The following MYO18B variants were observed in gnomAD, a reference collection of about 807,000 sequenced individuals.
MYO18B encodes unconventional myosin-XVIIIb.
MYO18B carries 204 observed loss-of-function variants against 273.0 expected under a neutral mutation model. That is an observed-to-expected ratio of 0.75 (90% CI 0.67 to 0.84). The LOEUF (loss-of-function observed/expected upper bound fraction) is 0.84. MYO18B is among the 40% of genes least tolerant of loss of function. MYO18B has a pLI of 0.00. For synonymous variants in MYO18B, 1,330 were observed against 1,305.7 expected, an observed-to-expected ratio of 1.02 and a Z score of -0.40; for missense variants, 3,212 against 3,287.6, an observed-to-expected ratio of 0.98 and a Z score of 0.56.
intron 34 of MYO18B, among the ~76,000 whole-genome samples, chr22:25,928,585 C>A (rs151331053): frequency 9.9e-4 from 150 of 152,034 alleles, no homozygotes; most frequent in African/African-American, 3.4e-3. Context: ...TCATTTGGTT[C>A]TTTTCTCCCA....
At chr22:26,060,182 T>G in the MYO18B span, among the ~76,000 whole-genome samples, 1 of 152,220 alleles carries the variant, frequency 6.6e-6, no homozygotes, top group East Asian at 1.9e-4. Flanking sequence ...CTCCTTGTTT[T>G]TATATAGTTT....
In MYO18B at chr22:25,768,938, T is replaced by C. The variant is rs1337181432; in HGVS notation, c.1022T>C (p.Leu341Pro). ...PQNKKDKEGV[L>P]LSKAEKTGEP... ...AATAAGAAGGACAAAGAAGGGGTGC[T>C]CTTAAGTAAGGCAGAGAAGACAGGT... The change falls in exon 4 of 44, where the codon CTC (leucine) becomes CCC (proline). Residue 341 changes from leucine to proline, a missense_variant. Transcript: ENST00000335473. 12 of 1,612,150 alleles carry C rather than the reference T, an allele frequency of 7.4e-6. No individual in the cohort carries two copies. The highest frequency in any genetic ancestry group is 4.5e-5 in the East Asian group (2 of 44,838).
intron 15 of MYO18B, among the ~76,000 whole-genome samples, chr22:25,829,399 A>G (rs946877064): frequency 3.3e-5 from 5 of 152,136 alleles, no homozygotes; most frequent in African/African-American, 1.2e-4. Flanking sequence ...TGAGTCTCAC[A>G]AAGTTGAAGG....
rs9613078 is a variant in MYO18B at position 26,005,001 on chromosome 22, C to T, written c.6470+146C>T. On this transcript the variant is annotated intron_variant, in intron 42 of 43. Coordinates refer to ENST00000335473, the MANE Select transcript of MYO18B (RefSeq NM_032608.7). ...AGTCTGGGGTATAACTCTGCCACTT[C>T]CTAGCTGTGTGACTTTAGGCAGATC... The T allele has an allele frequency of 0.26, 248,575 of 952,742 alleles. 37,037 individuals carry two copies. Among genetic ancestry groups the T allele is most frequent in the Middle Eastern group, 0.31 (935 of 3,018 alleles). 59.0% of individuals were successfully genotyped at this position (952,742 alleles called of 1,614,324 possible). A position where few individuals can be genotyped will look rare whatever the true frequency, so the allele number is the denominator to read the frequency against.
rs776035865 is a variant in MYO18B, at chr22:25,952,405, G to C, written c.5952G>C (p.Val1984=). Residue 1984 remains valine (V), a synonymous_variant, in exon 38 of 44, where the codon GTG becomes GTC. Coordinates refer to ENST00000335473, the MANE Select transcript of MYO18B (RefSeq NM_032608.7). ...DLENKTEFQK[V]QIKRFEVLVI... ...AGAACAAGACAGAGTTCCAGAAGGT[G>C]CAGATTAAGAGATTTGAGGTACGTA... The C allele has an allele frequency of 1.9e-5, 31 of 1,613,096 alleles. No homozygotes were observed. Among genetic ancestry groups the C allele is most frequent in the South Asian group, 1.9e-4 (17 of 90,650 alleles).
chr22:25,888,304 C>T (rs1394099365), intron 25 of MYO18B, among the ~76,000 whole-genome samples: 1 of 152,150 alleles, frequency 6.6e-6, no homozygotes, highest in Admixed American at 6.5e-5. Context: ...CACTCTGTCA[C>T]TCAGGCTGGA....
intron 1 of MYO18B, among the ~76,000 whole-genome samples, chr22:25,743,759 T>C (rs532622648): frequency 3.3e-4 from 50 of 152,208 alleles, no homozygotes; most frequent in African/African-American, 1.1e-3. Context: ...CTTGGATGAG[T>C]ACTCTCCCCA....
chr22:25,846,942 G>A lies in MYO18B; in HGVS notation c.3553-488G>A, dbSNP rs551150683. ...TAAAAATACAAAAAATTGGCTGGGCGTGGTGATGCATGTCTGTAGTCCCGC... is the reference window on the plus strand; with the variant it reads ...TAAAAATACAAAAAATTGGCTGGGCATGGTGATGCATGTCTGTAGTCCCGC... On this transcript the variant is annotated intron_variant, in intron 19 of 43. Coordinates refer to ENST00000335473, the MANE Select transcript of MYO18B (RefSeq NM_032608.7). Among the ~76,000 whole-genome samples the A allele has an allele frequency of 1.5e-3, 235 of 152,156 alleles. 1 individual carries two copies. Among genetic ancestry groups the A allele is most frequent in the Non-Finnish European group, 2.0e-3 (133 of 68,006 alleles).
chr22:25,846,410 C>G lies in MYO18B; in HGVS notation c.3552+127C>G, dbSNP rs183077863. 353 of 1,028,330 alleles carry G rather than the reference C, an allele frequency of 3.4e-4. No individual in the cohort carries two copies. The African/African-American group carries it at 5.3e-3, about 16-fold the overall frequency. The allele number at this position is 1,028,330 out of a possible 1,614,324, so 63.7% of individuals were successfully genotyped here. A position where few individuals can be genotyped will look rare whatever the true frequency, so the allele number is the denominator to read the frequency against. On this transcript the variant is annotated intron_variant, in intron 19 of 43. Transcript: ENST00000335473. ...CAAGGCCAGAGGGGCGAGTGTCACC[C>G]CACGCTCCACAGAGGAGGAAATGGG...
At chr22:25,907,386 A>ACCCAGCTCAT (rs1360469543) in intron 31 of MYO18B, among the ~76,000 whole-genome samples, 2 of 152,220 alleles carry the variant, frequency 1.3e-5, no homozygotes, top group Non-Finnish European at 2.9e-5. Context: ...CATTCATGGG[A>ACCCAGCTCAT]TCACAGCTCT....
rs143338795 is a variant in MYO18B, at chr22:25,946,858, C to A, written c.5631+608C>A. On this transcript the variant is annotated intron_variant, in intron 35 of 43. Coordinates refer to ENST00000335473, the MANE Select transcript of MYO18B (RefSeq NM_032608.7). ...GCTTATTACCAGGAGAAGATTTGAGCCATTTATTATGGAACTACCCTGTGC... is the reference window on the plus strand; with the variant it reads ...GCTTATTACCAGGAGAAGATTTGAGACATTTATTATGGAACTACCCTGTGC... Among the ~76,000 whole-genome samples, 681 of 152,200 alleles carry A rather than the reference C, an allele frequency of 4.5e-3. 10 individuals carry two copies. Among genetic ancestry groups the A allele is most frequent in the African/African-American group, 0.016 (656 of 41,520 alleles).
chr22:25,997,319 A>C lies in MYO18B; in HGVS notation c.6287+4826A>C, dbSNP rs1394208273. 2.7e-5 allele frequency among the ~76,000 whole-genome samples: 4 copies of C among 150,488 alleles called. No homozygotes were observed. In the East Asian group the frequency reaches 5.8e-4, roughly 22 times the overall value. ...AACTCTGTCGCCAAAAAAAAAAAAA[A>C]AAAAAAAAAAACGAAGGAAAAAAGA... On this transcript the variant is annotated intron_variant, in intron 40 of 43. Transcript: ENST00000335473.
chr22:25,982,607 C>G (rs1204678699), intron 39 of MYO18B, among the ~76,000 whole-genome samples: 1 of 152,138 alleles, frequency 6.6e-6, no homozygotes, highest in Non-Finnish European at 1.5e-5. Context: ...CTAGTGTCTG[C>G]CAGCATTTCT....
chr22:25,761,275 C>G, intron 2 of MYO18B, 144 bp downstream of exon 2: 1 of 940,134 alleles, frequency 1.1e-6, no homozygotes, highest in Middle Eastern at 2.6e-4. Context: ...CTTCAACCTT[C>G]TCCCAGCCAG....
chr22:25,757,954 TG>T (rs1156407511), intron 1 of MYO18B, among the ~76,000 whole-genome samples: 1 of 152,180 alleles, frequency 6.6e-6, no homozygotes, highest in Non-Finnish European at 1.5e-5. Flanking sequence ...GGGGTGGGGA[TG>T]TGGAAAAAGA....
At chr22:25,856,190 G>A (rs987503794) in intron 21 of MYO18B, among the ~76,000 whole-genome samples, 1 of 152,070 alleles carries the variant, frequency 6.6e-6, no homozygotes, top group African/African-American at 2.4e-5. Flanking sequence ...CCACATTCCT[G>A]CCAATGTGTT....
chr22:25,867,998 T>A (rs2090939504), intron 21 of MYO18B, among the ~76,000 whole-genome samples: 1 of 152,240 alleles, frequency 6.6e-6, no homozygotes, highest in South Asian at 2.1e-4. Flanking sequence ...CTGGTAATTC[T>A]ATGTTTAATT....
chr22:25,976,218 A>G (rs886276518), intron 39 of MYO18B, among the ~76,000 whole-genome samples: 1 of 152,190 alleles, frequency 6.6e-6, no homozygotes, highest in Non-Finnish European at 1.5e-5. Flanking sequence ...CTGCTCCCAG[A>G]TATCCCTAAT....
At chr22:25,898,835 G>A (rs2091870316) in intron 29 of MYO18B, 1 of 201,062 alleles carries the variant, frequency 5.0e-6, no homozygotes, top group Non-Finnish European at 1.0e-5. Context: ...TCCTAAAGGT[G>A]CCTCTTTCTA....
Sources: allele counts gnomAD v4.1 joint callset (sites outside exome capture counted in the v4.1 genomes callset), GRCh38; gene constraint gnomAD v4.1.1; transcripts MANE v1.5; gene names NCBI Gene and HGNC (gene_info 2026-07-23, HGNC 2026-07-21).